Variants in PRKG1 observed in about 807,000 individuals in gnomAD.
The protein encoded by PRKG1 is cGMP-dependent protein kinase 1.
In PRKG1, 35 loss-of-function variants were observed where a neutral mutation model predicts 88.1. The observed-to-expected ratio is 0.40, with a 90% CI of 0.30 to 0.53. PRKG1 has a LOEUF of 0.53. PRKG1 is among the 20% of genes least tolerant of loss of function. PRKG1 has a pLI of 0.59. For synonymous variants in PRKG1, 303 were observed against 292.5 expected, an observed-to-expected ratio of 1.04 and a Z score of -0.37; for missense variants, 540 against 839.8, an observed-to-expected ratio of 0.64 and a Z score of 4.41.
chr10:51,243,007 A>G (rs2132127478), intron 2 of PRKG1, among the ~76,000 whole-genome samples: 1 of 152,304 alleles, frequency 6.6e-6, no homozygotes, highest in South Asian at 2.1e-4. Flanking sequence ...ATGTTTCACT[A>G]GGTCTTCAAT....
chr10:51,859,670 C>G (rs1840818413), intron 4 of PRKG1, among the ~76,000 whole-genome samples: 1 of 152,128 alleles, frequency 6.6e-6, no homozygotes, highest in Non-Finnish European at 1.5e-5. Flanking sequence ...CTGAAATGTT[C>G]TTACCACCCT....
intron 2 of PRKG1, among the ~76,000 whole-genome samples, chr10:51,332,995 C>A (rs972745915): frequency 1.3e-5 from 2 of 152,192 alleles, no homozygotes; most frequent in African/African-American, 4.8e-5. Flanking sequence ...CAATTATTAT[C>A]TCATCTTGAA....
intron 5 of PRKG1, among the ~76,000 whole-genome samples, chr10:52,039,252 C>T (rs575442140): frequency 1.8e-4 from 27 of 151,876 alleles, no homozygotes; most frequent in Non-Finnish European, 3.4e-4. Flanking sequence ...TTTATAGGAT[C>T]TGGGTAGGTA....
At chr10:51,615,917 A>T (rs150713606) in intron 3 of PRKG1, among the ~76,000 whole-genome samples, 20 of 152,214 alleles carry the variant, frequency 1.3e-4, no homozygotes, top group African/African-American at 4.3e-4. Context: ...TGACCTTGAT[A>T]TCTGCACATC....
At chr10:52,263,909 G>T (rs1482388743) in intron 10 of PRKG1, among the ~76,000 whole-genome samples, 1 of 151,750 alleles carries the variant, frequency 6.6e-6, no homozygotes, top group Non-Finnish European at 1.5e-5. Flanking sequence ...TACCTTTTCT[G>T]GTACAGATAT....
chr10:51,369,125 G>C, intron 2 of PRKG1, among the ~76,000 whole-genome samples: 1 of 152,212 alleles, frequency 6.6e-6, no homozygotes, highest in Non-Finnish European at 1.5e-5. Flanking sequence ...CACAATAAAT[G>C]CCTGCCAATA....
At chr10:52,220,896 A>G (rs1372284367) in intron 9 of PRKG1, among the ~76,000 whole-genome samples, 1 of 152,066 alleles carries the variant, frequency 6.6e-6, no homozygotes, top group Non-Finnish European at 1.5e-5. Flanking sequence ...ATGTGTCTTT[A>G]TAATACAATG....
At chr10:52,214,455 T>C (rs1028722473) in intron 9 of PRKG1, among the ~76,000 whole-genome samples, 1 of 152,200 alleles carries the variant, frequency 6.6e-6, no homozygotes, top group African/African-American at 2.4e-5. Flanking sequence ...TAACATTCAA[T>C]TTCCTTACCT....
At chr10:51,922,765 A>T (rs1376565941) in intron 5 of PRKG1, among the ~76,000 whole-genome samples, 2 of 152,036 alleles carry the variant, frequency 1.3e-5, no homozygotes, top group Non-Finnish European at 2.9e-5. Flanking sequence ...CATACTTTGT[A>T]TAATTTTTAT....
At chr10:51,857,336 A>G (rs1790054145) in intron 4 of PRKG1, among the ~76,000 whole-genome samples, 1 of 152,220 alleles carries the variant, frequency 6.6e-6, no homozygotes, top group African/African-American at 2.4e-5. Context: ...AACTAATTCT[A>G]ATACTAATGT....
At chr10:51,158,301 G>A (rs964958098) in intron 2 of PRKG1, among the ~76,000 whole-genome samples, 1 of 151,892 alleles carries the variant, frequency 6.6e-6, no homozygotes, top group Non-Finnish European at 1.5e-5. Context: ...ACTTGGTCAA[G>A]ACTATGCAAT....
chr10:51,105,541 T>C (rs912043340), intron 1 of PRKG1, among the ~76,000 whole-genome samples: 1 of 152,198 alleles, frequency 6.6e-6, no homozygotes, highest in Non-Finnish European at 1.5e-5. Context: ...TCTACAATAT[T>C]GAGTAGTAGT....
At chr10:51,280,990 T>G (rs9702199) in intron 2 of PRKG1, among the ~76,000 whole-genome samples, 20,675 of 152,202 alleles carry the variant, frequency 0.14, 1,515 homozygotes, top group East Asian at 0.19. Context: ...CCATCTTTGT[T>G]GTTTTATCTA....
chr10:51,938,442 A>G (rs1842840627), intron 5 of PRKG1, among the ~76,000 whole-genome samples: 1 of 151,992 alleles, frequency 6.6e-6, no homozygotes, highest in Non-Finnish European at 1.5e-5. Flanking sequence ...TTGGCTTTTT[A>G]TGAATCTGAA....
chr10:51,411,536 A>G (rs999700012), intron 2 of PRKG1, among the ~76,000 whole-genome samples: 2 of 152,052 alleles, frequency 1.3e-5, no homozygotes, highest in Non-Finnish European at 2.9e-5. Context: ...TGGCAGGGGG[A>G]CGAGGTGGAG....
At chr10:51,505,354 G>A (rs1044901368) in intron 3 of PRKG1, among the ~76,000 whole-genome samples, 1 of 152,182 alleles carries the variant, frequency 6.6e-6, no homozygotes, top group Non-Finnish European at 1.5e-5. Context: ...TTTTTGATGT[G>A]CTGCTGGATT....
intron 3 of PRKG1, among the ~76,000 whole-genome samples, chr10:51,532,049 C>G (rs959501682): frequency 1.3e-5 from 2 of 152,104 alleles, no homozygotes; most frequent in African/African-American, 4.8e-5. Flanking sequence ...CAATTTTGCT[C>G]ACTATGTTAG....
chr10:51,694,780 A>G (rs1432307655), intron 3 of PRKG1, among the ~76,000 whole-genome samples: 1 of 152,216 alleles, frequency 6.6e-6, no homozygotes, highest in Non-Finnish European at 1.5e-5. Flanking sequence ...AGAAAAACAC[A>G]TAAAAGATTC....
At chr10:51,810,082 A>G (rs1249798356) in intron 4 of PRKG1, among the ~76,000 whole-genome samples, 1 of 152,154 alleles carries the variant, frequency 6.6e-6, no homozygotes. Flanking sequence ...TGGAAAATAG[A>G]ACCTGATATC....
Sources: allele counts gnomAD v4.1 joint callset (sites outside exome capture counted in the v4.1 genomes callset), GRCh38; gene constraint gnomAD v4.1.1; transcripts MANE v1.5; gene names NCBI Gene and HGNC (gene_info 2026-07-23, HGNC 2026-07-21).